Variants in ACBD6 observed in about 807,000 individuals in gnomAD.
ACBD6 encodes acyl-CoA binding domain containing 6.
In ACBD6, 28 loss-of-function variants were observed where a neutral mutation model predicts 37.2. That is an observed-to-expected ratio of 0.75 (90% CI 0.56 to 1.03). The LOEUF (loss-of-function observed/expected upper bound fraction) is 1.03, where lower values mean the gene tolerates loss of function less well. ACBD6 is among the 50% of genes least tolerant of loss of function. ACBD6 has a pLI of 0.00. For missense variants in ACBD6, 340 were observed against 337.4 expected (o/e 1.01, Z -0.06); for synonymous variants, 113 against 126.8 (o/e 0.89, Z 0.73).
At chr1:180,365,961 A>G (rs981996809) in intron 6 of ACBD6, among the ~76,000 whole-genome samples, 10 of 152,200 alleles carry the variant, frequency 6.6e-5, no homozygotes, top group Admixed American at 2.0e-4. Context: ...TTTACTTAGT[A>G]TAACTAAGCA....
At chr1:180,481,823 T>C (rs1454418793) in intron 3 of ACBD6, among the ~76,000 whole-genome samples, 2 of 152,168 alleles carry the variant, frequency 1.3e-5, no homozygotes, top group Non-Finnish European at 2.9e-5. Context: ...ATAATCTAGG[T>C]ATCCTCTATG....
intron 6 of ACBD6, among the ~76,000 whole-genome samples, chr1:180,365,205 C>T (rs1653009873): frequency 1.3e-5 from 2 of 152,078 alleles, no homozygotes; most frequent in South Asian, 4.2e-4. Context: ...TCAACTGGGT[C>T]AGGGAAACTG....
chr1:180,340,524 AAAG>A (rs1206295619), intron 6 of ACBD6, among the ~76,000 whole-genome samples: 2 of 152,076 alleles, frequency 1.3e-5, no homozygotes, highest in Non-Finnish European at 2.9e-5. Flanking sequence ...TTTGTTGTAA[AAAG>A]GAGGAAAGAA....
chr1:180,332,960 C>T (rs549750550), intron 6 of ACBD6, among the ~76,000 whole-genome samples: 2 of 152,104 alleles, frequency 1.3e-5, no homozygotes, highest in African/African-American at 4.8e-5. Context: ...CTTACCATGG[C>T]CTAGAATAGC....
intron 9 of ACBD6, chr1:180,275,481 C>G (rs1648969829): frequency 6.6e-6 from 1 of 152,244 alleles, no homozygotes; most frequent in Non-Finnish European, 1.5e-5. Context: ...GATTCCAAAC[C>G]TGCAGTCTGT....
intron 3 of ACBD6, among the ~76,000 whole-genome samples, chr1:180,471,013 T>C (rs1295884420): frequency 6.6e-6 from 1 of 152,224 alleles, no homozygotes; most frequent in Admixed American, 6.5e-5. Flanking sequence ...CCTGTGAATA[T>C]AACATAAATA....
Position 180,450,850 on chromosome 1 carries a change from C to T in ACBD6, c.385-20588G>A, listed in dbSNP as rs750941913. The stretch of plus-strand genomic sequence containing the variant: ...GTGGGCCTAAAAAGCAAAAATATAA[C>T]AGAGTAGAAAACAATAACGATACCA... On this transcript the variant is annotated intron_variant, in intron 3 of 7. Transcript: ENST00000367595. 1.4e-4 allele frequency among the ~76,000 whole-genome samples: 21 copies of T among 151,990 alleles called. 1 individual carries two copies. Among genetic ancestry groups the T allele is most frequent in the Non-Finnish European group, 2.6e-4 (18 of 67,988 alleles).
intron 6 of ACBD6, among the ~76,000 whole-genome samples, chr1:180,376,823 T>C (rs1428531446): frequency 6.6e-6 from 1 of 152,126 alleles, no homozygotes; most frequent in Non-Finnish European, 1.5e-5. Context: ...TATAGTAATG[T>C]TTCAGATACC....
At chr1:180,306,056 C>T (rs1330540883) in intron 7 of ACBD6, among the ~76,000 whole-genome samples, 7 of 133,480 alleles carry the variant, frequency 5.2e-5, no homozygotes, top group Non-Finnish European at 7.6e-5. Flanking sequence ...AATGAGAACA[C>T]GTGGACACAG....
intron 6 of ACBD6, among the ~76,000 whole-genome samples, chr1:180,362,103 G>A (rs1484115787): frequency 6.6e-6 from 1 of 152,126 alleles, no homozygotes; most frequent in Non-Finnish European, 1.5e-5. Context: ...TGAGAGAAAT[G>A]TACATTATCC....
intron 7 of ACBD6, among the ~76,000 whole-genome samples, chr1:180,294,904 C>G (rs1227081105): frequency 1.3e-5 from 2 of 152,006 alleles, no homozygotes; most frequent in African/African-American, 2.4e-5. Context: ...TGCTATGTTG[C>G]CCAGGCTGGG....
intron 6 of ACBD6, among the ~76,000 whole-genome samples, chr1:180,318,340 G>C (rs1650917285): frequency 6.6e-6 from 1 of 151,964 alleles, no homozygotes; most frequent in African/African-American, 2.4e-5. Context: ...ATTTTAAATT[G>C]ACTTATTTTA....
intron 6 of ACBD6, among the ~76,000 whole-genome samples, chr1:180,324,885 T>C (rs1651199217): frequency 6.6e-6 from 1 of 152,162 alleles, no homozygotes; most frequent in Admixed American, 6.5e-5. Context: ...TAAATTTTTT[T>C]TTGTTTGTTT....
intron 3 of ACBD6, among the ~76,000 whole-genome samples, chr1:180,441,591 C>T (rs780028825): frequency 1.5e-4 from 23 of 152,178 alleles, no homozygotes; most frequent in Non-Finnish European, 2.5e-4. Flanking sequence ...CTTTCACATC[C>T]TTGGTTAAAA....
intron 2 of ACBD6, 112 bp downstream of exon 2, chr1:180,495,349 C>CAG (rs770406792): frequency 2.6e-6 from 2 of 760,948 alleles, no homozygotes; most frequent in Non-Finnish European, 4.2e-6. Context: ...CAATCTACAG[C>CAG]AGAGAGAGAG....
At chr1:180,406,651 A>G (rs1647641769) in intron 5 of ACBD6, among the ~76,000 whole-genome samples, 1 of 152,190 alleles carries the variant, frequency 6.6e-6, no homozygotes, top group Non-Finnish European at 1.5e-5. Context: ...GTGGGAATAC[A>G]AATGTAGCTT....
rs367649270 is a variant in ACBD6, at chr1:180,319,783, C to G, written c.664-5061G>C. ...GTTTGTCTGTGCATGGCTTATTTCACTTAACATAATGATCTCCAGGGTCTA... is the reference window on the plus strand; with the variant it reads ...GTTTGTCTGTGCATGGCTTATTTCAGTTAACATAATGATCTCCAGGGTCTA... On this transcript the variant is annotated intron_variant, in intron 6 of 7. Coordinates refer to ENST00000367595, the MANE Select transcript of ACBD6 (RefSeq NM_032360.4). Among the ~76,000 whole-genome samples the G allele has an allele frequency of 3.3e-5, 5 of 152,192 alleles. No individual in the cohort carries two copies. The East Asian group carries it at 9.6e-4, about 29-fold the overall frequency.
intron 4 of ACBD6, among the ~76,000 whole-genome samples, chr1:180,415,770 T>G (rs1031772332): frequency 6.6e-6 from 1 of 152,216 alleles, no homozygotes; most frequent in Non-Finnish European, 1.5e-5. Flanking sequence ...CAAATGTGCA[T>G]GTATACCGTT....
At chr1:180,318,164 C>CCT (rs1553291897) in intron 6 of ACBD6, among the ~76,000 whole-genome samples, 1 of 6,460 alleles carries the variant, frequency 1.5e-4, no homozygotes, top group African/African-American at 3.8e-4. Flanking sequence ...TCCATCTCCG[C>CCT]CCCCCCCCCC....
Sources: gnomAD v4.1 joint callset for allele counts (sites outside exome capture counted in the v4.1 genomes callset) on GRCh38, gnomAD v4.1.1 for gene constraint, MANE v1.5 for transcripts, NCBI Gene and HGNC (gene_info 2026-07-23, HGNC 2026-07-21) for gene names.